Variants in ZFAND6 observed in about 807,000 individuals in gnomAD.
ZFAND6 encodes AN1-type zinc finger protein 6.
Under a neutral mutation model 24.5 loss-of-function variants are expected in ZFAND6, and 12 were observed. The ratio of observed to expected loss-of-function variants is 0.49; its 90% CI spans 0.31 to 0.79. The LOEUF (loss-of-function observed/expected upper bound fraction) is 0.79. Among genes scored for constraint, ZFAND6 ranks in the 30% least tolerant of loss-of-function variants. ZFAND6 has a pLI of 0.04. For synonymous variants in ZFAND6, 92 were observed against 81.5 expected, an observed-to-expected ratio of 1.13 and a Z score of -0.69; for missense variants, 207 against 245.9, an observed-to-expected ratio of 0.84 and a Z score of 1.06.
intron 6 of ZFAND6, 59 bp from the exon 7 acceptor site, chr15:80,137,421 T>C (rs1444416550): frequency 1.9e-6 from 3 of 1,554,556 alleles, no homozygotes; most frequent in Non-Finnish European, 2.6e-6. Context: ...GTATTAATTA[T>C]GCCAAAGACC....
chr15:80,117,153 T>C (rs566834117), intron 2 of ZFAND6, among the ~76,000 whole-genome samples: 1 of 152,266 alleles, frequency 6.6e-6, no homozygotes, highest in Non-Finnish European at 1.5e-5. Context: ...CTGTTGTCTT[T>C]GATAACAGAT....
chr15:80,098,827 G>A (rs2038877143), intron 2 of ZFAND6, among the ~76,000 whole-genome samples: 2 of 151,864 alleles, frequency 1.3e-5, no homozygotes, highest in Non-Finnish European at 2.9e-5. Context: ...ATTATTATAA[G>A]CATTGGAATC....
intron 1 of ZFAND6, among the ~76,000 whole-genome samples, chr15:80,065,590 G>C (rs2036589009): frequency 7.4e-6 from 1 of 135,848 alleles, no homozygotes; most frequent in Non-Finnish European, 1.5e-5. Context: ...CTGTTGCCCA[G>C]GCTGGAGTGT....
At chr15:80,101,949 C>CGGT (rs2039058175) in intron 2 of ZFAND6, among the ~76,000 whole-genome samples, 1 of 151,588 alleles carries the variant, frequency 6.6e-6, no homozygotes, top group East Asian at 1.9e-4. Context: ...CCTGCCACCA[C>CGGT]GCCTGGCTAA....
At chr15:80,063,793 C>T (rs2036464918) in intron 1 of ZFAND6, among the ~76,000 whole-genome samples, 1 of 152,052 alleles carries the variant, frequency 6.6e-6, no homozygotes, top group African/African-American at 2.4e-5. Context: ...TCAGGTGATC[C>T]ACCTGCCTAG....
chr15:80,118,199 G>T (rs1332202802), intron 2 of ZFAND6, among the ~76,000 whole-genome samples: 1 of 152,084 alleles, frequency 6.6e-6, no homozygotes, highest in African/African-American at 2.4e-5. Flanking sequence ...CCGGCTCACT[G>T]CAACCTCCGC....
rs547425669 is a variant in ZFAND6 at position 80,088,564 on chromosome 15, C to G, written c.-180-9852C>G. ...CTGGGCGATAAGAGCGAAACTCTGT[C>G]TCAAAAGAAAAAAACGACTTCGTCC... On this transcript the variant is annotated intron_variant, in intron 1 of 6. Coordinates refer to ENST00000261749, the MANE Select transcript of ZFAND6 (RefSeq NM_019006.4). 2.0e-5 allele frequency among the ~76,000 whole-genome samples: 3 copies of G among 151,452 alleles called. No homozygotes were observed. In the South Asian group the frequency reaches 6.5e-4, roughly 33 times the overall value.
intron 2 of ZFAND6, among the ~76,000 whole-genome samples, chr15:80,118,788 G>C (rs1008821623): frequency 6.6e-6 from 1 of 151,894 alleles, no homozygotes; most frequent in African/African-American, 2.4e-5. Context: ...CAGCTGCTAA[G>C]CCTGCATCAT....
At chr15:80,129,336 T>G (rs1018412096) in intron 5 of ZFAND6, among the ~76,000 whole-genome samples, 4 of 152,188 alleles carry the variant, frequency 2.6e-5, no homozygotes, top group African/African-American at 9.6e-5. Context: ...TGCTATAGAG[T>G]TTGTCATTAG....
In ZFAND6 at chr15:80,121,113, T is replaced by G. The variant is rs747607395; in HGVS notation, c.155-599T>G. 4.9e-4 allele frequency among the ~76,000 whole-genome samples: 74 copies of G among 152,308 alleles called. 1 individual carries two copies. Among genetic ancestry groups the G allele is most frequent in the Non-Finnish European group, 5.3e-4 (36 of 68,008 alleles). On this transcript the variant is annotated intron_variant, in intron 3 of 6. Coordinates refer to ENST00000261749, the MANE Select transcript of ZFAND6 (RefSeq NM_019006.4). Reference sequence around the variant, plus strand: ...AAGTGTTTAGTGTATTCATTTAGGATAGATCTCATGTAGGTTAATGCCTGC... The same window carrying G: ...AAGTGTTTAGTGTATTCATTTAGGAGAGATCTCATGTAGGTTAATGCCTGC...
intron 6 of ZFAND6, 84 bp from the exon 7 acceptor site, chr15:80,137,396 A>G: frequency 6.2e-6 from 9 of 1,446,602 alleles, no homozygotes; most frequent in Non-Finnish European, 8.4e-6. Flanking sequence ...TGCCCTAAAT[A>G]TATTGTGCTG....
chr15:80,072,409 C>T (rs2037029870), intron 1 of ZFAND6, among the ~76,000 whole-genome samples: 1 of 151,990 alleles, frequency 6.6e-6, no homozygotes. Flanking sequence ...ACCAGCTTAT[C>T]CAGGAGGTTT....
At chr15:80,069,166 T>TC (rs1739671252) in intron 1 of ZFAND6, among the ~76,000 whole-genome samples, 2 of 152,230 alleles carry the variant, frequency 1.3e-5, no homozygotes, top group South Asian at 4.1e-4. Context: ...AGTTGGCCAG[T>TC]CTATTTTCTC....
At position 80,122,659 on chromosome 15, in the gene ZFAND6, G is replaced by A. The variant is rs748592585; in HGVS notation, c.264-41G>A. ...GTGTCACATTAGTTAATATTCATGT[G>A]TAGAGATCACCTTTTAAAATGAAAT... On this transcript the variant is annotated intron_variant, in intron 4 of 6. Coordinates refer to ENST00000261749, the MANE Select transcript of ZFAND6 (RefSeq NM_019006.4). The A allele has an allele frequency of 4.6e-6, 6 of 1,310,494 alleles. No homozygotes were observed. The African/African-American group carries it at 7.3e-5, about 16-fold the overall frequency. The allele number at this position is 1,310,494 out of a possible 1,614,324, so 81.2% of individuals were successfully genotyped here.
At chr15:80,067,565 T>C (rs2036717192) in intron 1 of ZFAND6, among the ~76,000 whole-genome samples, 1 of 152,190 alleles carries the variant, frequency 6.6e-6, no homozygotes, top group Admixed American at 6.5e-5. Context: ...GTAGCTACCA[T>C]CCACTTGTGG....
At position 80,110,628 on chromosome 15, in the gene ZFAND6, T is replaced by C. The variant is rs567794590; in HGVS notation, c.-17-9700T>C. On this transcript the variant is annotated intron_variant, in intron 2 of 6. Transcript: ENST00000261749. ...CTAGATATCAAAAAAAACTGTATAA[T>C]TTAGAATAGGATAGAGAAATAAACC... 3.3e-5 allele frequency among the ~76,000 whole-genome samples: 5 copies of C among 151,716 alleles called. No homozygotes were observed. The South Asian group carries it at 1.0e-3, about 32-fold the overall frequency.
chr15:80,096,134 A>G (rs1289351621), intron 1 of ZFAND6, among the ~76,000 whole-genome samples: 1 of 152,168 alleles, frequency 6.6e-6, no homozygotes, highest in Non-Finnish European at 1.5e-5. Context: ...AACATCTCCA[A>G]ACCTGTTTTG....
chr15:80,115,159 G>T (rs2039814187), intron 2 of ZFAND6: 2 of 152,166 alleles, frequency 1.3e-5, no homozygotes, highest in South Asian at 4.2e-4. Context: ...TTCTTGAGAG[G>T]ATTAAATGAG....
At chr15:80,079,770 C>T (rs1230908401) in intron 1 of ZFAND6, among the ~76,000 whole-genome samples, 1 of 150,838 alleles carries the variant, frequency 6.6e-6, no homozygotes, top group Non-Finnish European at 1.5e-5. Context: ...CTGCCTTAGC[C>T]TCCCCGAGTA....
Sources: allele counts gnomAD v4.1 joint callset (sites outside exome capture counted in the v4.1 genomes callset), GRCh38; gene constraint gnomAD v4.1.1; transcripts MANE v1.5; gene names NCBI Gene and HGNC (gene_info 2026-07-23, HGNC 2026-07-21).